The following PLA2G12B variants were observed in gnomAD, a reference collection of about 807,000 sequenced individuals.
PLA2G12B encodes phospholipase A2 group XIIB.
PLA2G12B carries 19 observed loss-of-function variants against 22.3 expected under a neutral mutation model. That is an observed-to-expected ratio of 0.85 (90% CI 0.60 to 1.25). PLA2G12B has a LOEUF of 1.25. Among genes scored for constraint, PLA2G12B ranks in the 50% most tolerant of loss-of-function variants. The probability of loss-of-function intolerance (pLI) is 0.00; values close to 1 mark genes in which losing one functional copy is unlikely to be tolerated. For synonymous variants in PLA2G12B, 81 were observed against 94.9 expected, an observed-to-expected ratio of 0.85 and a Z score of 0.85; for missense variants, 191 against 246.6, an observed-to-expected ratio of 0.77 and a Z score of 1.51.
chr10:72,947,050 A>G (rs909422377), intron 1 of PLA2G12B, among the ~76,000 whole-genome samples: 2 of 151,342 alleles, frequency 1.3e-5, no homozygotes, highest in East Asian at 3.9e-4. Context: ...CAGCTGTCCA[A>G]CTAGCTATGA....
chr10:72,941,513 A>G lies in PLA2G12B; in HGVS notation c.301-179T>C, dbSNP rs186608907. Among the ~76,000 whole-genome samples the G allele has an allele frequency of 3.4e-3, 513 of 152,248 alleles. 14 individuals are homozygous for G. Among genetic ancestry groups the G allele is most frequent in the Non-Finnish European group, 8.4e-4 (57 of 68,010 alleles). ...GAATACCAACAGTCACAGGATTACA[A>G]GTGTTCATTGTTACTTAGTTATTAG... On this transcript the variant is annotated intron_variant, in intron 2 of 3. Coordinates refer to ENST00000373032, the MANE Select transcript of PLA2G12B (RefSeq NM_032562.5).
Position 72,935,424 on chromosome 10 carries a change from A to C in PLA2G12B, c.*193T>G, listed in dbSNP as rs1242212001. On this transcript the variant is annotated 3_prime_UTR_variant, in exon 4 of 4. Transcript: ENST00000373032. ...TTAAATGAAGAGTAGCTTTCAAACCACTCCATGTCTTTTTTCAAATTTCCT... is the reference window on the plus strand; with the variant it reads ...TTAAATGAAGAGTAGCTTTCAAACCCCTCCATGTCTTTTTTCAAATTTCCT... 2.7e-6 allele frequency: 2 copies of C among 751,716 alleles called. No homozygotes were observed. Among genetic ancestry groups the C allele is most frequent in the Admixed American group, 5.8e-5 (2 of 34,248 alleles). The allele number at this position is 751,716 out of a possible 1,614,324, so 46.6% of individuals were successfully genotyped here. A position where few individuals can be genotyped will look rare whatever the true frequency, so the allele number is the denominator to read the frequency against.
intron 3 of PLA2G12B, among the ~76,000 whole-genome samples, chr10:72,940,196 C>T (rs1846337571): frequency 6.6e-6 from 1 of 152,104 alleles, no homozygotes; most frequent in Non-Finnish European, 1.5e-5. Context: ...ATGAAAAGAT[C>T]CAAAATTCTC....
chr10:72,953,012 T>G (rs776568880), intron 1 of PLA2G12B, among the ~76,000 whole-genome samples: 1 of 152,222 alleles, frequency 6.6e-6, no homozygotes, highest in Non-Finnish European at 1.5e-5. Flanking sequence ...AAAACACCTG[T>G]GTTGATTCCA....
intron 3 of PLA2G12B, among the ~76,000 whole-genome samples, chr10:72,940,486 A>AGATCGCTTGAGTTCAGG (rs1554833513): frequency 3.1e-5 from 4 of 130,344 alleles, no homozygotes; most frequent in East Asian, 2.2e-4. Flanking sequence ...TGAGGCGGGC[A>AGATCGCTTGAGTTCAGG]ACATGGGCAA....
intron 3 of PLA2G12B, among the ~76,000 whole-genome samples, chr10:72,938,081 T>C (rs1303993183): frequency 7.1e-6 from 1 of 139,872 alleles, no homozygotes; most frequent in Admixed American, 7.6e-5. Flanking sequence ...ACCACTTCAC[T>C]CCAGCCTGGG....
chr10:72,938,310 A>G (rs939859439), intron 3 of PLA2G12B, among the ~76,000 whole-genome samples: 3 of 152,146 alleles, frequency 2.0e-5, no homozygotes, highest in African/African-American at 7.2e-5. Context: ...TCCACTCGCA[A>G]TACTTCTATT....
At chr10:72,936,440 G>T (rs1231349437) in intron 3 of PLA2G12B, among the ~76,000 whole-genome samples, 2 of 152,168 alleles carry the variant, frequency 1.3e-5, no homozygotes, top group Admixed American at 6.5e-5. Flanking sequence ...ATGAAGTACT[G>T]ATGCATACCA....
chr10:72,935,424 A>G lies in PLA2G12B; in HGVS notation c.*193T>C. 1 of 751,834 alleles carries G rather than the reference A, an allele frequency of 1.3e-6. No homozygotes were observed. The highest frequency in any genetic ancestry group is 2.3e-5 in the South Asian group (1 of 44,204). The allele number at this position is 751,834 out of a possible 1,614,324, so 46.6% of individuals were successfully genotyped here. ...TTAAATGAAGAGTAGCTTTCAAACC[A>G]CTCCATGTCTTTTTTCAAATTTCCT... On this transcript the variant is annotated 3_prime_UTR_variant, in exon 4 of 4. Transcript: ENST00000373032.
intron 1 of PLA2G12B, among the ~76,000 whole-genome samples, chr10:72,951,206 AG>A (rs2132981302): frequency 6.6e-6 from 1 of 152,310 alleles, no homozygotes; most frequent in South Asian, 2.1e-4. Context: ...GAGGAAACTA[AG>A]GTTGAGAGAG....
intron 1 of PLA2G12B, among the ~76,000 whole-genome samples, chr10:72,944,736 G>C (rs1479433289): frequency 6.6e-6 from 1 of 152,176 alleles, no homozygotes; most frequent in South Asian, 2.1e-4. Context: ...CATGCCTCTG[G>C]TATAGTAAAT....
intron 3 of PLA2G12B, among the ~76,000 whole-genome samples, chr10:72,936,183 G>A (rs188613056): frequency 8.7e-4 from 133 of 152,232 alleles, no homozygotes; most frequent in Non-Finnish European, 1.4e-3. Flanking sequence ...TGGATATGTT[G>A]GTTAGCCACT....
intron 1 of PLA2G12B, among the ~76,000 whole-genome samples, chr10:72,945,496 A>G (rs1435240590): frequency 1.3e-5 from 2 of 152,196 alleles, no homozygotes; most frequent in Non-Finnish European, 2.9e-5. Flanking sequence ...CATGACCTCA[A>G]CTTTATGAGA....
At chr10:72,939,390 A>G (rs1396422836) in intron 3 of PLA2G12B, among the ~76,000 whole-genome samples, 1 of 151,322 alleles carries the variant, frequency 6.6e-6, no homozygotes, top group African/African-American at 2.5e-5. Context: ...GAGCCTACTG[A>G]GGCCCATAAG....
intron 1 of PLA2G12B, among the ~76,000 whole-genome samples, chr10:72,946,497 T>C (rs1434377860): frequency 6.6e-6 from 1 of 152,224 alleles, no homozygotes; most frequent in Non-Finnish European, 1.5e-5. Flanking sequence ...GGTAACCCTG[T>C]TGAACATTTT....
At chr10:72,940,385 G>A (rs1422798869) in intron 3 of PLA2G12B, among the ~76,000 whole-genome samples, 1 of 152,132 alleles carries the variant, frequency 6.6e-6, no homozygotes, top group African/African-American at 2.4e-5. Flanking sequence ...TAGAGTCGGT[G>A]CTAGAATCTA....
At chr10:72,943,924 T>C (rs765148541) in intron 1 of PLA2G12B, among the ~76,000 whole-genome samples, 35 of 152,348 alleles carry the variant, frequency 2.3e-4, no homozygotes, top group Non-Finnish European at 4.7e-4. Flanking sequence ...CTAAGAATAA[T>C]TAATCCTTAG....
At chr10:72,943,993 T>C (rs995705689) in intron 1 of PLA2G12B, among the ~76,000 whole-genome samples, 4 of 151,870 alleles carry the variant, frequency 2.6e-5, no homozygotes, top group Admixed American at 2.6e-4. Flanking sequence ...TTTCTTCCTT[T>C]CTTTCTTTTT....
chr10:72,935,098 G>A lies in PLA2G12B; in HGVS notation c.*519C>T, dbSNP rs1846260490. ...GTGGGAATAACTGTGGTCATTGGTG[G>A]AACTTACCAGGTTCAGTTTTGGTCT... On this transcript the variant is annotated 3_prime_UTR_variant, in exon 4 of 4. Transcript: ENST00000373032. 6.6e-6 allele frequency: 1 copy of A among 152,630 alleles called. No homozygotes were observed. Among genetic ancestry groups the A allele is most frequent in the Non-Finnish European group, 1.5e-5 (1 of 68,380 alleles). The allele number at this position is 152,630 out of a possible 1,614,324, so 9.5% of individuals were successfully genotyped here.
Sources: gnomAD v4.1 joint callset for allele counts (sites outside exome capture counted in the v4.1 genomes callset) on GRCh38, gnomAD v4.1.1 for gene constraint, MANE v1.5 for transcripts, NCBI Gene and HGNC (gene_info 2026-07-23, HGNC 2026-07-21) for gene names.